The following MRE11 variants were observed in gnomAD, a reference collection of about 807,000 sequenced individuals.
The protein encoded by MRE11 is MRE11 double strand break repair nuclease, also known as double-strand break repair protein MRE11.
MRE11 carries 62 observed loss-of-function variants against 91.7 expected under a neutral mutation model. The ratio of observed to expected loss-of-function variants is 0.68; its 90% CI spans 0.55 to 0.84. The LOEUF is 0.84. MRE11 is among the 40% of genes least tolerant of loss of function. The pLI, the probability that MRE11 is intolerant of heterozygous loss-of-function variation, is 0.00. For synonymous variants in MRE11, 273 were observed against 271.4 expected (o/e 1.01, Z -0.06); for missense variants, 796 against 852.9 (o/e 0.93, Z 0.83).
chr11:94,485,167 T>A (rs752927126), intron 4 of MRE11, among the ~76,000 whole-genome samples: 5 of 151,986 alleles, frequency 3.3e-5, no homozygotes, highest in African/African-American at 7.3e-5. Context: ...GCAGGGAGAA[T>A]TGCTTGAACC....
At chr11:94,452,614 C>G (rs1037787689) in intron 14 of MRE11, among the ~76,000 whole-genome samples, 1 of 152,150 alleles carries the variant, frequency 6.6e-6, no homozygotes, top group Non-Finnish European at 1.5e-5. Flanking sequence ...AATACTGTAT[C>G]TTCATTTTTA....
At chr11:94,444,285 AAG>A (rs1175973179) in intron 16 of MRE11, among the ~76,000 whole-genome samples, 2 of 152,152 alleles carry the variant, frequency 1.3e-5, no homozygotes, top group Non-Finnish European at 2.9e-5. Flanking sequence ...TATAATTCCA[AAG>A]AGGAGTACAG....
intron 19 of MRE11, among the ~76,000 whole-genome samples, chr11:94,429,054 AAAG>A (rs1341292924): frequency 5.3e-5 from 8 of 152,208 alleles, no homozygotes; most frequent in East Asian, 1.9e-4. Flanking sequence ...GGCACATTAC[AAAG>A]AAGAAGACAC....
intron 4 of MRE11, among the ~76,000 whole-genome samples, chr11:94,483,453 C>T (rs1055793596): frequency 6.6e-6 from 1 of 152,106 alleles, no homozygotes; most frequent in Non-Finnish European, 1.5e-5. Flanking sequence ...GCAGGCCTTT[C>T]CTGTGCTGTT....
At chr11:94,462,548 C>T (rs757919564) in intron 11 of MRE11, among the ~76,000 whole-genome samples, 1 of 152,270 alleles carries the variant, frequency 6.6e-6, no homozygotes, top group Admixed American at 6.5e-5. Flanking sequence ...GCTACAGTAA[C>T]CAAAACAGCA....
intron 7 of MRE11, chr11:94,473,229 T>G (rs1273163968): frequency 6.6e-6 from 1 of 152,040 alleles, no homozygotes; most frequent in African/African-American, 2.4e-5. Flanking sequence ...TGTTTTTATG[T>G]AAAAAACATA....
chr11:94,506,748 G>A, the MRE11 span, among the ~76,000 whole-genome samples: 3 of 151,724 alleles, frequency 2.0e-5, no homozygotes, highest in African/African-American at 2.4e-5. Flanking sequence ...CCACCACGCC[G>A]AGCTAATTTT....
At chr11:94,492,495 ATATT>A in intron 2 of MRE11, 1 of 601,760 alleles carries the variant, frequency 1.7e-6, no homozygotes, top group Non-Finnish European at 2.9e-6. Context: ...AAATTCAAGA[ATATT>A]TATCACTTCA....
At chr11:94,451,805 A>C (rs1946113498) in intron 14 of MRE11, among the ~76,000 whole-genome samples, 2 of 152,194 alleles carry the variant, frequency 1.3e-5, no homozygotes, top group African/African-American at 2.4e-5. Context: ...TGTGTCAAAA[A>C]ACCCTAAATA....
chr11:94,494,436 A>T (rs1183183852), upstream of MRE11, among the ~76,000 whole-genome samples: 1 of 152,200 alleles, frequency 6.6e-6, no homozygotes, highest in Non-Finnish European at 1.5e-5. Flanking sequence ...TTTCAGTTCC[A>T]TTGAAGGGTC....
rs149985326 is a variant in MRE11 at position 94,428,794 on chromosome 11, C to T, written c.2070+1117G>A. Among the ~76,000 whole-genome samples, 736 of 151,774 alleles carry T rather than the reference C, an allele frequency of 4.8e-3. 7 individuals carry two copies. Among genetic ancestry groups the T allele is most frequent in the African/African-American group, 0.017 (694 of 41,388 alleles). ...AGGAGAATCGCTTGAACCCGGGAGGCGGAGATTGCAGTGAGCTGAGGTCAC... is the reference window on the plus strand; with the variant it reads ...AGGAGAATCGCTTGAACCCGGGAGGTGGAGATTGCAGTGAGCTGAGGTCAC... On this transcript the variant is annotated intron_variant, in intron 19 of 19. Coordinates refer to ENST00000323929, the MANE Select transcript of MRE11 (RefSeq NM_005591.4).
At chr11:94,432,818 AAAACAAAACG>A (rs1257015685) in intron 18 of MRE11, among the ~76,000 whole-genome samples, 2 of 152,180 alleles carry the variant, frequency 1.3e-5, no homozygotes, top group Non-Finnish European at 2.9e-5. Flanking sequence ...AAAACAAAAC[AAAACAAAACG>A]AAACAAAACA....
chr11:94,437,044 T>C (rs1945637448), intron 17 of MRE11, 133 bp downstream of exon 17: 1 of 736,726 alleles, frequency 1.4e-6, no homozygotes, highest in Non-Finnish European at 2.2e-6. Flanking sequence ...TAGAGATAAT[T>C]GGTAAAGCTC....
rs779269083 is a variant in MRE11, at chr11:94,486,009, C to T, written c.229G>A (p.Glu77Lys). 5.6e-6 allele frequency: 9 copies of T among 1,613,686 alleles called. No homozygotes were observed. Among genetic ancestry groups the T allele is most frequent in the South Asian group, 3.3e-5 (3 of 91,058 alleles). ...PSRKTLHTCL[E>K]LLRKYCMGDR... ...CCCATACAATATTTTCTTAATAACT[C>T]GAGGCAGGTATGTAATGTTTTCCTT... The change falls in exon 4 of 20, where the codon GAG becomes AAG. Residue 77 changes from glutamate (E) to lysine (K), a missense_variant. Transcript: ENST00000323929.
chr11:94,500,032 G>C, the MRE11 span, among the ~76,000 whole-genome samples: 1 of 152,158 alleles, frequency 6.6e-6, no homozygotes, highest in Non-Finnish European at 1.5e-5. Context: ...TTCCTAGGGA[G>C]ATGCTTTGTG....
intron 19 of MRE11, among the ~76,000 whole-genome samples, chr11:94,426,523 C>A (rs1435925173): frequency 6.7e-6 from 1 of 149,898 alleles, no homozygotes; most frequent in Non-Finnish European, 1.5e-5. Flanking sequence ...AAGAACAAAC[C>A]AGCCCCCAAA....
In MRE11 at chr11:94,417,832, A is replaced by C. The variant is rs1271083659; in HGVS notation, c.*2293T>G. On this transcript the variant is annotated 3_prime_UTR_variant, in exon 20 of 20. Coordinates refer to ENST00000323929, the MANE Select transcript of MRE11 (RefSeq NM_005591.4). ...TAAAGGTCACATTCCTAAATGCTTG[A>C]ATTTTCTAAGCACCACTTATATTTT... The C allele has an allele frequency of 4.3e-6, 1 of 232,968 alleles. No homozygotes were observed. Among genetic ancestry groups the C allele is most frequent in the Non-Finnish European group, 8.5e-6 (1 of 117,972 alleles). The allele number at this position is 232,968 out of a possible 1,614,324, so 14.4% of individuals were successfully genotyped here. A position where few individuals can be genotyped will look rare whatever the true frequency, so the allele number is the denominator to read the frequency against.
At chr11:94,473,072 GGAGA>G (rs1946759463) in intron 7 of MRE11, 1 of 152,056 alleles carries the variant, frequency 6.6e-6, no homozygotes, top group Admixed American at 6.6e-5. Context: ...ATCAGTACGC[GGAGA>G]GAGAAAGTCC....
chr11:94,447,245 G>A lies in MRE11; in HGVS notation c.1757C>T (p.Ser586Leu), dbSNP rs753717905. Residue 586 changes from serine (S) to leucine (L), a missense_variant, in exon 15 of 20, where the codon TCG becomes TTG. Ser to Leu is a moderately radical substitution (Grantham distance 145). Coordinates refer to ENST00000323929, the MANE Select transcript of MRE11 (RefSeq NM_005591.4). ...TCTTCCTCTTTGAGACCCTCCTCTC[G>A]ATGCTGAATTCTGCCCTCTTCCACC... ...RRGGRGQNSASRGGSQRGRAD... is the reference protein window; with the variant it reads ...RRGGRGQNSALRGGSQRGRAD... 6.8e-6 allele frequency: 11 copies of A among 1,613,448 alleles called. No homozygotes were observed. The highest frequency in any genetic ancestry group is 4.4e-5 in the South Asian group (4 of 91,086).
Sources: allele counts gnomAD v4.1 joint callset (sites outside exome capture counted in the v4.1 genomes callset), GRCh38; gene constraint gnomAD v4.1.1; transcripts MANE v1.5; gene names NCBI Gene and HGNC (gene_info 2026-07-23, HGNC 2026-07-21).